The following ZFP64 variants were observed in gnomAD, a reference collection of about 807,000 sequenced individuals.
ZFP64 encodes the protein ZFP64 zinc finger protein.
A neutral mutation model predicts 51.6 loss-of-function variants in ZFP64; 14 were observed. The observed-to-expected ratio is 0.27, with a 90% CI of 0.18 to 0.42. The LOEUF is 0.42. ZFP64 is among the 10% of genes least tolerant of loss of function. The pLI is 1.00. For missense variants in ZFP64, 754 were observed against 906.8 expected (o/e 0.83, Z 2.16); for synonymous variants, 375 against 361.4 (o/e 1.04, Z -0.43).
intron 5 of ZFP64, among the ~76,000 whole-genome samples, chr20:52,099,465 G>A (rs1410745990): frequency 1.3e-5 from 2 of 152,160 alleles, no homozygotes; most frequent in Non-Finnish European, 2.9e-5. Context: ...GATGGAAGAG[G>A]AGAAAAAGCA....
At chr20:52,086,978 A>G (rs1026092294) in intron 8 of ZFP64, among the ~76,000 whole-genome samples, 5 of 152,198 alleles carry the variant, frequency 3.3e-5, no homozygotes, top group Non-Finnish European at 7.3e-5. Context: ...TCCCACTAGC[A>G]TGGTGGCTGG....
chr20:52,093,955 A>C (rs1277524985), intron 7 of ZFP64, among the ~76,000 whole-genome samples: 1 of 152,234 alleles, frequency 6.6e-6, no homozygotes, highest in East Asian at 1.9e-4. Context: ...ATATCACAAT[A>C]TGATTTTTTT....
At position 52,160,632 on chromosome 20, in the gene ZFP64, T is replaced by C. The variant is rs1429536892; in HGVS notation, c.512-258A>G. ...TTATAAATTTTTTATAAATTAAAAA[T>C]AGAAGGCAATTAAAATTTTAAAGTA... is the stretch of plus-strand genomic sequence containing the variant. On this transcript the variant is annotated intron_variant, in intron 4 of 5. Transcript: ENST00000216923. The surrounding 1 kb of genome is among the most constrained non-coding windows in gnomAD (Gnocchi z 4.2). Among the ~76,000 whole-genome samples the C allele has an allele frequency of 6.6e-6, 1 of 152,174 alleles. No individual in the cohort carries two copies. Among genetic ancestry groups the C allele is most frequent in the African/African-American group, 2.4e-5 (1 of 41,460 alleles).
chr20:52,152,911 G>A lies in ZFP64; in HGVS notation c.1281C>T (p.Cys427=), dbSNP rs532485171. Residue 427 remains cysteine (C), a synonymous_variant, in exon 6 of 6, where the codon TGC becomes TGT. Coordinates refer to ENST00000216923, the MANE Select transcript of ZFP64 (RefSeq NM_018197.3). ...GCATGAAGGAGGCATCGCATATATCGCAGTGGAAACTCTTCTTGGCATCCA... is the reference window on the plus strand; with the variant it reads ...GCATGAAGGAGGCATCGCATATATCACAGTGGAAACTCTTCTTGGCATCCA... ...AKLDAKKSFH[C]DICDASFMRE... is the part of the protein sequence containing the mutation. 1 of 1,613,878 alleles carries A rather than the reference G, an allele frequency of 6.2e-7. No homozygotes were observed. Among genetic ancestry groups the A allele is most frequent in the South Asian group, 1.1e-5 (1 of 91,088 alleles).
chr20:52,105,317 C>G (rs1385550923), intron 5 of ZFP64: 1 of 1,254,558 alleles, frequency 8.0e-7, no homozygotes, highest in East Asian at 3.2e-5. Flanking sequence ...GGAAATTACC[C>G]CCCTTCGGCC....
chr20:52,111,095 G>A, intron 5 of ZFP64: 3 of 972,022 alleles, frequency 3.1e-6, no homozygotes, highest in African/African-American at 1.6e-5. Flanking sequence ...GGAAGCGGCA[G>A]GGAGAGAGAC....
rs140899342 is a variant in ZFP64 at position 52,179,268 on chromosome 20, G to A, written c.286+7564C>T. On this transcript the variant is annotated intron_variant, in intron 2 of 5. Transcript: ENST00000216923. ...GACCTCCCCAGCCATGTGGAACTGT[G>A]AGTCCAATAAACCTCTTTCTTTTGT... is the stretch of plus-strand genomic sequence containing the variant. 5.8e-3 allele frequency among the ~76,000 whole-genome samples: 885 copies of A among 152,270 alleles called. 11 individuals are homozygous for A. The highest frequency in any genetic ancestry group is 0.02 in the African/African-American group (848 of 41,542).
intron 5 of ZFP64, among the ~76,000 whole-genome samples, chr20:52,137,076 T>C (rs1432010664): frequency 2.0e-5 from 3 of 152,188 alleles, no homozygotes; most frequent in East Asian, 3.8e-4. Context: ...TAATGGTAAT[T>C]TGATATTGAA....
intron 5 of ZFP64, among the ~76,000 whole-genome samples, chr20:52,114,807 G>T (rs1438747491): frequency 6.6e-6 from 1 of 152,140 alleles, no homozygotes; most frequent in Non-Finnish European, 1.5e-5. Flanking sequence ...AATGTTTGTT[G>T]CAAGTCATTG....
intron 5 of ZFP64, among the ~76,000 whole-genome samples, chr20:52,113,663 TC>T (rs1453273967): frequency 4.0e-5 from 6 of 148,846 alleles, no homozygotes; most frequent in Non-Finnish European, 5.9e-5. Context: ...GGTCTCGAAC[TC>T]CTGAACTCAG....
At chr20:52,110,650 C>T in intron 5 of ZFP64, 1 of 1,250,506 alleles carries the variant, frequency 8.0e-7, no homozygotes, top group Non-Finnish European at 1.1e-6. Context: ...TCCTATGCAG[C>T]TGGCCACCAG....
At chr20:52,142,027 T>C (rs1423014405) in intron 5 of ZFP64, among the ~76,000 whole-genome samples, 2 of 152,082 alleles carry the variant, frequency 1.3e-5, no homozygotes, top group South Asian at 2.1e-4. Context: ...TGTGGAATAG[T>C]AGACATTACA....
intron 5 of ZFP64, chr20:52,104,986 G>T (rs1978298906): frequency 1.1e-6 from 1 of 934,618 alleles, no homozygotes; most frequent in Non-Finnish European, 1.6e-6. Context: ...GGGCGGGGAC[G>T]CCCAGGTCCG....
downstream of ZFP64, chr20:52,151,154 G>T: frequency 1.3e-6 from 1 of 793,080 alleles, no homozygotes; most frequent in Non-Finnish European, 1.5e-6. Context: ...GAGGAGGTAA[G>T]ATGATTGTGT....
chr20:52,088,923 G>A (rs753313999), intron 7 of ZFP64: 10 of 606,346 alleles, frequency 1.6e-5, no homozygotes, highest in Middle Eastern at 2.7e-4. Context: ...GGTTATAGAA[G>A]TACTCAGGAT....
chr20:52,111,362 A>T (rs1320930487), intron 5 of ZFP64, among the ~76,000 whole-genome samples: 5 of 151,616 alleles, frequency 3.3e-5, no homozygotes, highest in African/African-American at 4.8e-5. Flanking sequence ...GATTATAAGT[A>T]TGCACCACCA....
chr20:52,177,694 A>G (rs1006068786), intron 2 of ZFP64, among the ~76,000 whole-genome samples: 2 of 151,796 alleles, frequency 1.3e-5, no homozygotes, highest in Non-Finnish European at 2.9e-5. Context: ...ATGAGAGATA[A>G]TATGTGTCTT....
At chr20:52,094,013 T>C (rs116229228) in intron 7 of ZFP64, among the ~76,000 whole-genome samples, 325 of 152,242 alleles carry the variant, frequency 2.1e-3, no homozygotes, top group African/African-American at 7.5e-3. Flanking sequence ...TTGAGAAGAG[T>C]CCATCCAAAT....
chr20:52,166,036 TG>T lies in ZFP64; in HGVS notation c.287-12del, dbSNP rs1568691937. 6.3e-7 allele frequency: 1 copy of T among 1,597,938 alleles called. No homozygotes were observed. The highest frequency in any genetic ancestry group is 1.1e-5 in the South Asian group (1 of 88,370). ...ATTCTGGAGCTGAAACTAAAAGATA[TG>T]GTGATTATTAATTTTCTTAATATAA... On this transcript the variant is annotated splice_polypyrimidine_tract_variant and intron_variant, in intron 2 of 5. Coordinates refer to ENST00000216923, the MANE Select transcript of ZFP64 (RefSeq NM_018197.3).
Sources: gnomAD v4.1 joint callset for allele counts (sites outside exome capture counted in the v4.1 genomes callset) on GRCh38, gnomAD v4.1.1 for gene constraint, Gnocchi (gnomAD v3.1) non-coding constraint, MANE v1.5 for transcripts, NCBI Gene and HGNC (gene_info 2026-07-23, HGNC 2026-07-21) for gene names.